The following HNRNPD variants were observed in gnomAD, a reference collection of about 807,000 sequenced individuals.
HNRNPD encodes heterogeneous nuclear ribonucleoprotein D, also known as heterogeneous nuclear ribonucleoprotein D0.
Under a neutral mutation model 47.9 loss-of-function variants are expected in HNRNPD, and 3 were observed. That is an observed-to-expected ratio of 0.06 (90% CI 0.03 to 0.16). The LOEUF (loss-of-function observed/expected upper bound fraction) is 0.16. Among genes scored for constraint, HNRNPD ranks in the 10% least tolerant of loss-of-function variants. The pLI, the probability that HNRNPD is intolerant of heterozygous loss-of-function variation, is 1.00. For synonymous variants in HNRNPD, 171 were observed against 165.1 expected, an observed-to-expected ratio of 1.04 and a Z score of -0.28; for missense variants, 287 against 454.2, an observed-to-expected ratio of 0.63 and a Z score of 3.35.
intron 3 of HNRNPD, among the ~76,000 whole-genome samples, chr4:82,359,151 CAGTTA>C (rs1723853888): frequency 6.6e-6 from 1 of 152,108 alleles, no homozygotes; most frequent in African/African-American, 2.4e-5. Flanking sequence ...AATAATGATT[CAGTTA>C]AAAGTTGCTT....
At position 82,359,600 on chromosome 4, in the gene HNRNPD, C is replaced by A; in HGVS notation, c.330G>T (p.Lys110Asn). The A allele has an allele frequency of 6.3e-7, 1 of 1,595,100 alleles. No homozygotes were observed. The highest frequency in any genetic ancestry group is 8.6e-7 in the Non-Finnish European group (1 of 1,165,358). The change falls in exon 3 of 9, where the codon AAG becomes AAT. Residue 110 changes from lysine (K) to asparagine (N), a missense_variant. Lys to Asn is a moderately conservative substitution (Grantham distance 94, BLOSUM62 0). Coordinates refer to ENST00000313899, the MANE Select transcript of HNRNPD (RefSeq NM_031370.3). ...FIGGLSWDTT[K>N]KDLKDYFSKF... ...TGGAAAAGTAGTCCTTCAGATCTTT[C>A]TTTGTAGTGTCCCAGCTAAGGCCTC... is the stretch of plus-strand genomic sequence containing the variant.
chr4:82,365,840 C>T (rs1719726359), intron 2 of HNRNPD, among the ~76,000 whole-genome samples: 1 of 139,088 alleles, frequency 7.2e-6, no homozygotes, highest in Non-Finnish European at 1.5e-5. Context: ...GTCTGGAACT[C>T]CTGGGTTCAA....
chr4:82,355,379 C>T lies in HNRNPD; in HGVS notation c.1023G>A (p.Lys341=), dbSNP rs945270126. 6.2e-7 allele frequency: 1 copy of T among 1,613,578 alleles called. No homozygotes were observed. Among genetic ancestry groups the T allele is most frequent in the South Asian group, 1.1e-5 (1 of 91,058 alleles). ...DYSNQQSGYG[K]VSRRGGHQNS... ...TTTGATGACCACCTCGCCTGGATACCTTCCCATAACCACTCTGCTGGTCTA... is the reference window on the plus strand; with the variant it reads ...TTTGATGACCACCTCGCCTGGATACTTTCCCATAACCACTCTGCTGGTCTA... The change falls in exon 8 of 9, where the codon AAG becomes AAA. Residue 341 remains lysine, a synonymous_variant. Coordinates refer to ENST00000313899, the MANE Select transcript of HNRNPD (RefSeq NM_031370.3).
intron 1 of HNRNPD, chr4:82,373,228 G>A: frequency 1.4e-6 from 1 of 738,398 alleles, no homozygotes. Flanking sequence ...GCTAAAGGTG[G>A]AAACGTGTGT....
At position 82,373,685 on chromosome 4, in the gene HNRNPD, A is replaced by G; in HGVS notation, c.-7T>C. 1 of 1,490,730 alleles carries G rather than the reference A, an allele frequency of 6.7e-7. No homozygotes were observed. The highest frequency in any genetic ancestry group is 2.6e-5 in the East Asian group (1 of 38,922). 92.3% of individuals were successfully genotyped at this position (1,490,730 alleles called of 1,614,324 possible). On this transcript the variant is annotated 5_prime_UTR_variant, in exon 1 of 9. Transcript: ENST00000313899. Reference sequence around the variant, plus strand: ...CGAACTGCTCCTCCGACATAGTGCTAGTGTCTCCGCCGCTGCCGCCGAGAC... The same window carrying G: ...CGAACTGCTCCTCCGACATAGTGCTGGTGTCTCCGCCGCTGCCGCCGAGAC...
chr4:82,367,901 C>T (rs1411548427), intron 2 of HNRNPD, among the ~76,000 whole-genome samples: 2 of 152,174 alleles, frequency 1.3e-5, no homozygotes. Context: ...CTGTGGTGAG[C>T]ATTGTTTCCA....
At chr4:82,367,894 TG>T (rs1719843039) in intron 2 of HNRNPD, among the ~76,000 whole-genome samples, 4 of 152,204 alleles carry the variant, frequency 2.6e-5, no homozygotes, top group Non-Finnish European at 5.9e-5. Flanking sequence ...AATCCTCCTG[TG>T]GTGAGCATTG....
Position 82,373,641 on chromosome 4 carries a change from G to A in HNRNPD, c.38C>T (p.Ala13Val), listed in dbSNP as rs775737520. ...EEQFGGDGAAAAATAAVGGSA... is the reference protein window; with the variant it reads ...EEQFGGDGAAVAATAAVGGSA... ...GCCGCCTACCGCCGCCGTTGCCGCT[G>A]CCGCCGCCCCGTCCCCGCCGAACTG... The change falls in exon 1 of 9, where the codon GCA becomes GTA. Residue 13 changes from alanine to valine, a missense_variant. This residue lies in a region of HNRNPD where 161 missense variants were observed against 137.1 expected (regional missense o/e 1.17). Transcript: ENST00000313899. 6.6e-7 allele frequency: 1 copy of A among 1,525,504 alleles called. No individual in the cohort carries two copies. Among genetic ancestry groups the A allele is most frequent in the African/African-American group, 1.4e-5 (1 of 70,998 alleles). 94.5% of individuals were successfully genotyped at this position (1,525,504 alleles called of 1,614,324 possible). A position where few individuals can be genotyped will look rare whatever the true frequency, so the allele number is the denominator to read the frequency against.
At chr4:82,373,390 A>G in intron 1 of HNRNPD, 56 bp downstream of exon 1, 1 of 1,507,290 alleles carries the variant, frequency 6.6e-7, no homozygotes, top group African/African-American at 1.4e-5. Flanking sequence ...GCGGGGGAAT[A>G]AAGAGGGGGA....
At chr4:82,354,721 A>G (rs182616897) in intron 8 of HNRNPD, 3 of 152,814 alleles carry the variant, frequency 2.0e-5, no homozygotes, top group Admixed American at 2.0e-4. Flanking sequence ...TAGAAGAATA[A>G]ATAGTTAAAA....
intron 1 of HNRNPD, among the ~76,000 whole-genome samples, chr4:82,372,388 T>G (rs1345805905): frequency 6.6e-6 from 1 of 151,918 alleles, no homozygotes; most frequent in Non-Finnish European, 1.5e-5. Context: ...ACTAAGAAAT[T>G]TGCACCAAAA....
intron 1 of HNRNPD, among the ~76,000 whole-genome samples, chr4:82,372,196 C>T (rs141440099): frequency 4.0e-4 from 61 of 152,136 alleles, no homozygotes; most frequent in African/African-American, 1.4e-3. Context: ...GGAATGGAAG[C>T]GTGAACCCAC....
intron 2 of HNRNPD, among the ~76,000 whole-genome samples, chr4:82,369,933 G>A (rs1400278552): frequency 7.9e-5 from 12 of 152,074 alleles, no homozygotes; most frequent in Admixed American, 6.5e-5. Context: ...ACCTGAGGTC[G>A]GGAGTTCGAG....
chr4:82,371,133 T>G (rs1056923774), intron 2 of HNRNPD, among the ~76,000 whole-genome samples: 1 of 152,234 alleles, frequency 6.6e-6, no homozygotes, highest in Non-Finnish European at 1.5e-5. Context: ...CATGACATTT[T>G]AAACACAATA....
chr4:82,356,476 T>C, intron 7 of HNRNPD, 61 bp downstream of exon 7: 1 of 1,381,308 alleles, frequency 7.2e-7, no homozygotes, highest in Non-Finnish European at 1.0e-6. Context: ...CCTTTCTGCC[T>C]ATCCAAATTT....
At chr4:82,357,578 C>A in intron 4 of HNRNPD, 134 bp from the exon 5 acceptor site, 1 of 656,078 alleles carries the variant, frequency 1.5e-6, no homozygotes, top group Non-Finnish European at 2.5e-6. Context: ...CTGTTTCTCC[C>A]TATTTATTCT....
At position 82,356,783 on chromosome 4, in the gene HNRNPD, G is replaced by T. The variant is rs781598250; in HGVS notation, c.853+13C>A. ...AAAAGCTTAAGATAGAGTAAACTTAGGCTCTAGCTTACCACCACCTCTTCC... is the reference window on the plus strand; with the variant it reads ...AAAAGCTTAAGATAGAGTAAACTTATGCTCTAGCTTACCACCACCTCTTCC... On this transcript the variant is annotated intron_variant, in intron 6 of 8. Transcript: ENST00000313899. 3.7e-6 allele frequency: 6 copies of T among 1,610,814 alleles called. No homozygotes were observed. In the East Asian group the frequency reaches 1.3e-4, roughly 36 times the overall value.
chr4:82,365,771 ATT>A (rs80051188), intron 2 of HNRNPD, among the ~76,000 whole-genome samples: 18 of 106,252 alleles, frequency 1.7e-4, no homozygotes, highest in South Asian at 5.5e-4. Flanking sequence ...GGCCCAGCTA[ATT>A]TTTTTTTTTT....
Position 82,355,713 on chromosome 4 carries a change from AT to A in HNRNPD, c.1001-313del, listed in dbSNP as rs139337166. The A allele has an allele frequency of 5.7e-3, 1,975 of 348,736 alleles. 44 individuals carry two copies. The East Asian group carries it at 0.061, about 11-fold the overall frequency. 21.6% of individuals were successfully genotyped at this position (348,736 alleles called of 1,614,324 possible). ...ACCCTTTCACAACCACCAGCAAAAA[AT>A]ATCTTAAAATTTAGAACAAATTGTC... On this transcript the variant is annotated intron_variant, in intron 7 of 8. Transcript: ENST00000313899.
Sources: gnomAD v4.1 joint callset for allele counts (sites outside exome capture counted in the v4.1 genomes callset) on GRCh38, gnomAD v4.1.1 for gene constraint, gnomAD v4.1.1 regional missense constraint, MANE v1.5 for transcripts, NCBI Gene and HGNC (gene_info 2026-07-23, HGNC 2026-07-21) for gene names.